Variants in ARSH observed in about 807,000 individuals in gnomAD.
The protein encoded by ARSH is arylsulfatase family member H.
Under a neutral mutation model 28.7 loss-of-function variants are expected in ARSH, and 32 were observed. The ratio of observed to expected loss-of-function variants is 1.11; its 90% CI spans 0.84 to 1.50. The LOEUF (loss-of-function observed/expected upper bound fraction) is 1.50, where lower values mean the gene tolerates loss of function less well. ARSH is among the 40% of genes most tolerant of loss of function. The pLI, the probability that ARSH is intolerant of heterozygous loss-of-function variation, is 0.00. For synonymous variants in ARSH, 176 were observed against 177.3 expected (o/e 0.99, Z 0.06); for missense variants, 440 against 452.4 (o/e 0.97, Z 0.25).
chrX:3,012,585 ATATATATATATATAATATATATATGTATG>A, intron 2 of ARSH, among the ~76,000 whole-genome samples: 1 of 12,991 alleles, frequency 7.7e-5, no homozygotes, highest in South Asian at 5.4e-3. Flanking sequence ...ATATATATAT[ATATATATATATATAATATATATATGTATG>A]TGTATATACA....
At chrX:3,018,051 G>A (rs916663386) in intron 4 of ARSH, among the ~76,000 whole-genome samples, 1 of 112,412 alleles carries the variant, frequency 8.9e-6, no homozygotes, top group Admixed American at 9.5e-5. Flanking sequence ...CCAGGCTGGA[G>A]TGCAGTGGTG....
chrX:3,012,020 T>A (rs981119157), intron 2 of ARSH, among the ~76,000 whole-genome samples: 6 of 111,288 alleles, frequency 5.4e-5, no homozygotes, highest in Non-Finnish European at 1.1e-4. Flanking sequence ...TTTTTGTATT[T>A]TTAGTAGAGA....
At chrX:3,032,277 C>T (rs2089916123) in intron 8 of ARSH, among the ~76,000 whole-genome samples, 1 of 109,287 alleles carries the variant, frequency 9.2e-6, no homozygotes, top group Non-Finnish European at 1.9e-5. Context: ...GAGTGAGACC[C>T]TGCCTCAAAA....
At chrX:3,023,640 C>T (rs1042587375) in intron 5 of ARSH, among the ~76,000 whole-genome samples, 69 of 106,237 alleles carry the variant, frequency 6.5e-4, no homozygotes, top group African/African-American at 1.6e-3. Flanking sequence ...ATTCTTTATG[C>T]ATTTTTAATA....
Position 3,029,313 on chromosome X carries a change from C to T in ARSH, c.1266C>T (p.Phe422=), listed in dbSNP as rs368416563. ...GGGCGTCCCACTCCGACCACGAGTT[C>T]CTCTTCCACTACTGTGGGGTCTATC... ...EGRASHSDHE[F]LFHYCGVYLH... is the part of the protein sequence containing the mutation. Residue 422 remains phenylalanine (F), a synonymous_variant, in exon 8 of 9, where the codon TTC becomes TTT. Transcript: ENST00000381130. The T allele has an allele frequency of 8.3e-7, 1 of 1,208,572 alleles. No individual in the cohort carries two copies. The highest frequency in any genetic ancestry group is 1.1e-6 in the Non-Finnish European group (1 of 894,849).
At chrX:3,022,951 T>C (rs1469902615) in intron 5 of ARSH, among the ~76,000 whole-genome samples, 1 of 110,062 alleles carries the variant, frequency 9.1e-6, no homozygotes, top group Non-Finnish European at 1.9e-5. Flanking sequence ...TGGGCCTTCT[T>C]GGCACTGTCT....
intron 4 of ARSH, among the ~76,000 whole-genome samples, chrX:3,017,053 C>T (rs1380264193): frequency 9.0e-6 from 1 of 110,662 alleles, no homozygotes; most frequent in Non-Finnish European, 1.9e-5. Flanking sequence ...GCCCCTGTGC[C>T]CATCAGATTC....
intron 8 of ARSH, among the ~76,000 whole-genome samples, chrX:3,032,636 A>G (rs1284181858): frequency 8.9e-6 from 1 of 111,889 alleles, no homozygotes; most frequent in Non-Finnish European, 1.9e-5. Context: ...AGGATAAAGA[A>G]TGATTAACTT....
At position 3,027,301 on chromosome X, in the gene ARSH, C is replaced by T; in HGVS notation, c.1037-12C>T. 1 of 1,209,478 alleles carries T rather than the reference C, an allele frequency of 8.3e-7. No individual in the cohort carries two copies. The highest frequency in any genetic ancestry group is 1.1e-6 in the Non-Finnish European group (1 of 894,721). On this transcript the variant is annotated splice_polypyrimidine_tract_variant and intron_variant, in intron 6 of 8. Coordinates refer to ENST00000381130, the MANE Select transcript of ARSH (RefSeq NM_001011719.2). Reference sequence around the variant, plus strand: ...AACTCATCTTTGGTTGTGTCGTAATCTTTGGTTTTAGGTGGCAAAGGAATG... The same window carrying T: ...AACTCATCTTTGGTTGTGTCGTAATTTTTGGTTTTAGGTGGCAAAGGAATG...
chrX:3,019,482 A>G (rs1603463426), intron 5 of ARSH, among the ~76,000 whole-genome samples: 1 of 111,183 alleles, frequency 9.0e-6, no homozygotes, highest in East Asian at 2.8e-4. Context: ...GAGTTACTGT[A>G]TGCATTCCAG....
At chrX:3,022,538 A>G (rs188576012) in intron 5 of ARSH, among the ~76,000 whole-genome samples, 69 of 112,257 alleles carry the variant, frequency 6.1e-4, no homozygotes, top group African/African-American at 1.8e-3. Context: ...AGTGTAAACT[A>G]GAAATGCAGT....
intron 1 of ARSH, among the ~76,000 whole-genome samples, chrX:3,007,980 C>G (rs963731378): frequency 2.1e-4 from 23 of 111,725 alleles, no homozygotes; most frequent in African/African-American, 7.5e-4. Context: ...TTAATCACCT[C>G]TATAAAGACT....
intron 4 of ARSH, among the ~76,000 whole-genome samples, chrX:3,016,003 AT>A (rs776644529): frequency 0.024 from 2,419 of 98,931 alleles, 26 homozygotes; most frequent in Non-Finnish European, 0.035. Context: ...TAATGTTTTA[AT>A]TTTTTTTTTT....
chrX:3,023,953 G>C, intron 5 of ARSH, 68 bp from the exon 6 acceptor site: 4 of 1,140,100 alleles, frequency 3.5e-6, no homozygotes, highest in Non-Finnish European at 4.8e-6. Flanking sequence ...CATAGTAGCA[G>C]ATATGTAATA....
intron 1 of ARSH, 32 bp from the exon 2 acceptor site, chrX:3,009,998 A>C (rs769679012): frequency 2.5e-6 from 3 of 1,200,017 alleles, no homozygotes; most frequent in Non-Finnish European, 3.4e-6. Flanking sequence ...ATTTTTAGAA[A>C]CTCACCTGCT....
intron 5 of ARSH, among the ~76,000 whole-genome samples, chrX:3,021,962 G>C (rs1017185464): frequency 1.8e-5 from 2 of 108,140 alleles, no homozygotes; most frequent in African/African-American, 3.4e-5. Context: ...GGCTGGTCTC[G>C]AACTCTTGGG....
chrX:3,026,551 G>C (rs2089899234), intron 6 of ARSH, among the ~76,000 whole-genome samples: 1 of 111,837 alleles, frequency 8.9e-6, no homozygotes, highest in Non-Finnish European at 1.9e-5. Flanking sequence ...TTTTCTTAAA[G>C]AGTCTAGACA....
chrX:3,012,799 G>A (rs1179582620), intron 2 of ARSH, among the ~76,000 whole-genome samples: 1 of 106,317 alleles, frequency 9.4e-6, no homozygotes, highest in African/African-American at 3.4e-5. Flanking sequence ...GTTATTTGTT[G>A]TTAGTCTGAA....
chrX:3,021,707 C>CTTT lies in ARSH; in HGVS notation c.902-2299_902-2297dup, dbSNP rs3032483. On this transcript the variant is annotated intron_variant, in intron 5 of 8. Coordinates refer to ENST00000381130, the MANE Select transcript of ARSH (RefSeq NM_001011719.2). ...TGCCTATTAAAAAACACTTTTAGTC[C>CTTT]TTTTTTTTTTTTTTTTTAAGACACA... Among the ~76,000 whole-genome samples the CTTT allele has an allele frequency of 1.7e-3, 156 of 90,205 alleles. 2 individuals carry two copies. The highest frequency in any genetic ancestry group is 8.7e-3 in the South Asian group (15 of 1,720). The allele number at this position is 90,205 out of a possible 115,157, so 78.3% of individuals were successfully genotyped here.
Sources: allele counts gnomAD v4.1 joint callset (sites outside exome capture counted in the v4.1 genomes callset), GRCh38; gene constraint gnomAD v4.1.1; transcripts MANE v1.5; gene names NCBI Gene and HGNC (gene_info 2026-07-23, HGNC 2026-07-21).